Variants in PLCG2 observed in about 807,000 individuals in gnomAD.
PLCG2 encodes the protein phospholipase C gamma 2, also known as 1-phosphatidylinositol 4,5-bisphosphate phosphodiesterase gamma-2.
PLCG2 carries 69 observed loss-of-function variants against 175.6 expected under a neutral mutation model. The observed-to-expected ratio is 0.39, with a 90% CI of 0.32 to 0.48. PLCG2 has a LOEUF of 0.48. Among genes scored for constraint, PLCG2 ranks in the 20% least tolerant of loss-of-function variants. The pLI is 0.91. For missense variants in PLCG2, 1,798 were observed against 1,650.9 expected (o/e 1.09, Z -1.54); for synonymous variants, 827 against 624.0 (o/e 1.33, Z -4.85).
chr16:81,808,242 T>G (rs1904290851), intron 2 of PLCG2, among the ~76,000 whole-genome samples: 1 of 152,186 alleles, frequency 6.6e-6, no homozygotes, highest in African/African-American at 2.4e-5. Flanking sequence ...CCAGCCTGTT[T>G]TCCAACGGGG....
intron 20 of PLCG2, among the ~76,000 whole-genome samples, chr16:81,920,849 C>T (rs921041961): frequency 6.6e-6 from 1 of 152,192 alleles, no homozygotes; most frequent in African/African-American, 2.4e-5. Flanking sequence ...TGTCGTTGAA[C>T]CTGGAACGTG....
chr16:81,949,113 C>T (rs1447071286), intron 31 of PLCG2, among the ~76,000 whole-genome samples: 3 of 152,114 alleles, frequency 2.0e-5, no homozygotes, highest in African/African-American at 7.2e-5. Flanking sequence ...TCTAGGGCAA[C>T]CCCACCATGA....
chr16:81,761,516 G>A (rs1285554884), intron 2 of PLCG2, among the ~76,000 whole-genome samples: 1 of 152,190 alleles, frequency 6.6e-6, no homozygotes, highest in African/African-American at 2.4e-5. Context: ...TGACTGCCTA[G>A]GTTAGAGTCA....
At chr16:81,875,898 G>A (rs185350481) in intron 7 of PLCG2, among the ~76,000 whole-genome samples, 5 of 152,234 alleles carry the variant, frequency 3.3e-5, no homozygotes, top group South Asian at 4.1e-4. Flanking sequence ...GTTCTGTGAC[G>A]ATGTTTGTGG....
intron 25 of PLCG2, 54 bp from the exon 26 acceptor site, chr16:81,934,375 T>A: frequency 9.1e-7 from 1 of 1,098,730 alleles, no homozygotes; most frequent in Non-Finnish European, 1.4e-6. Flanking sequence ...CAGGGCGAGC[T>A]GGGAAGATGG....
rs569125928 is a variant in PLCG2, at chr16:81,806,392, A to G, written c.193+20210A>G. ...AGACTGAAAATGTGGAAGTGTGTCT[A>G]CCAGCTTTGCCATCTGTCCTAGATT... On this transcript the variant is annotated intron_variant, in intron 2 of 32. Coordinates refer to ENST00000564138, the MANE Select transcript of PLCG2 (RefSeq NM_002661.5). 2.0e-5 allele frequency among the ~76,000 whole-genome samples: 3 copies of G among 152,168 alleles called. No homozygotes were observed. In the South Asian group the frequency reaches 6.2e-4, roughly 32 times the overall value.
intron 1 of PLCG2, among the ~76,000 whole-genome samples, chr16:81,779,828 A>T (rs1910649798): frequency 6.6e-6 from 1 of 152,086 alleles, no homozygotes; most frequent in Non-Finnish European, 1.5e-5. Flanking sequence ...GCTCGGAGCC[A>T]CACTTCCCTG....
upstream of PLCG2, among the ~76,000 whole-genome samples, chr16:81,774,909 A>G (rs545945580): frequency 8.4e-4 from 127 of 151,890 alleles, no homozygotes; most frequent in African/African-American, 2.9e-3. Context: ...AGGCCTGGCT[A>G]ATTTTTAAAG....
chr16:81,771,338 C>T (rs938707999), intron 2 of PLCG2, among the ~76,000 whole-genome samples: 8 of 152,300 alleles, frequency 5.3e-5, no homozygotes, highest in Admixed American at 2.6e-4. Flanking sequence ...AGGGATCCTC[C>T]CATCTCAGCC....
At chr16:81,751,602 C>T (rs1237216273) in intron 1 of PLCG2, among the ~76,000 whole-genome samples, 1 of 152,040 alleles carries the variant, frequency 6.6e-6, no homozygotes, top group African/African-American at 2.4e-5. Context: ...TTCAAAATTG[C>T]TAAGAGAGTA....
In PLCG2 at chr16:81,927,047, G is replaced by A. The variant is rs768177503; in HGVS notation, c.2418-35G>A. ...AGTAGTGGGTAATTCATGCCACCTGGTGACAGCGCCCCCATGTCCTCTCTT... is the reference window on the plus strand; with the variant it reads ...AGTAGTGGGTAATTCATGCCACCTGATGACAGCGCCCCCATGTCCTCTCTT... On this transcript the variant is annotated intron_variant, in intron 22 of 32. Transcript: ENST00000564138. 3 of 1,419,140 alleles carry A rather than the reference G, an allele frequency of 2.1e-6. No homozygotes were observed. In the South Asian group the frequency reaches 3.4e-5, roughly 16 times the overall value. The allele number at this position is 1,419,140 out of a possible 1,614,324, so 87.9% of individuals were successfully genotyped here. A position where few individuals can be genotyped will look rare whatever the true frequency, so the allele number is the denominator to read the frequency against.
At chr16:81,902,073 A>G (rs986046416) in intron 14 of PLCG2, among the ~76,000 whole-genome samples, 2 of 152,222 alleles carry the variant, frequency 1.3e-5, no homozygotes, top group African/African-American at 4.8e-5. Context: ...AAGGGTGTCC[A>G]GGGCAAATGG....
intron 11 of PLCG2, among the ~76,000 whole-genome samples, chr16:81,891,998 A>T (rs1025665513): frequency 7.2e-5 from 11 of 152,216 alleles, no homozygotes; most frequent in Non-Finnish European, 1.5e-4. Context: ...TGTGGCTGTG[A>T]ACCGGCAGCA....
intron 25 of PLCG2, among the ~76,000 whole-genome samples, chr16:81,932,155 A>G (rs1417485002): frequency 1.3e-5 from 2 of 152,018 alleles, no homozygotes; most frequent in Non-Finnish European, 2.9e-5. Context: ...GGGCTGTCCT[A>G]CCTGAAGTAC....
intron 2 of PLCG2, among the ~76,000 whole-genome samples, chr16:81,830,708 T>A (rs1905227085): frequency 6.6e-6 from 1 of 151,752 alleles, no homozygotes; most frequent in African/African-American, 2.4e-5. Flanking sequence ...TATGTATATA[T>A]ATGAATGAAA....
intron 8 of PLCG2, among the ~76,000 whole-genome samples, chr16:81,881,661 T>G (rs946678284): frequency 2.0e-5 from 3 of 152,220 alleles, no homozygotes; most frequent in Non-Finnish European, 4.4e-5. Flanking sequence ...GTATGTATAT[T>G]CGAGACGGAG....
intron 5 of PLCG2, among the ~76,000 whole-genome samples, chr16:81,864,290 G>A (rs1278148351): frequency 6.6e-6 from 1 of 152,150 alleles, no homozygotes; most frequent in Non-Finnish European, 1.5e-5. Context: ...CTGGGGCTGC[G>A]CTGTCCAGCA....
At chr16:81,809,462 C>G (rs1362206293) in intron 2 of PLCG2, among the ~76,000 whole-genome samples, 5 of 152,312 alleles carry the variant, frequency 3.3e-5, no homozygotes, top group South Asian at 2.1e-4. Context: ...GATGACACAG[C>G]CTTTATTTGC....
At chr16:81,824,046 T>TTCCTG (rs71146049) in intron 2 of PLCG2, among the ~76,000 whole-genome samples, 18 of 108,742 alleles carry the variant, frequency 1.7e-4, no homozygotes, top group African/African-American at 7.3e-4. Flanking sequence ...TTCCTTTCCT[T>TTCCTG]TCCTGTCCTG....
Sources: allele counts gnomAD v4.1 joint callset (sites outside exome capture counted in the v4.1 genomes callset), GRCh38; gene constraint gnomAD v4.1.1; transcripts MANE v1.5; gene names NCBI Gene and HGNC (gene_info 2026-07-23, HGNC 2026-07-21).